COL12A1: variants seen among roughly 807,000 people sequenced by gnomAD.
The protein encoded by COL12A1 is collagen alpha-1(XII) chain.
A neutral mutation model predicts 349.7 loss-of-function variants in COL12A1; 114 were observed. The observed-to-expected ratio is 0.33, with a 90% CI of 0.28 to 0.38. The LOEUF is 0.38. Among genes scored for constraint, COL12A1 ranks in the 10% least tolerant of loss-of-function variants. COL12A1 has a pLI of 1.00. For synonymous variants in COL12A1, 1,369 were observed against 1,329.0 expected (o/e 1.03, Z -0.66); for missense variants, 3,284 against 3,756.9 (o/e 0.87, Z 3.29).
At chr6:75,117,613 A>T in intron 46 of COL12A1, 67 bp from the exon 47 acceptor site, 2 of 1,514,716 alleles carry the variant, frequency 1.3e-6, no homozygotes, top group Non-Finnish European at 1.8e-6. Flanking sequence ...AGAACAATGC[A>T]AAAAAATTCT....
At chr6:75,116,435 T>C (rs1227926827) in intron 47 of COL12A1, among the ~76,000 whole-genome samples, 1 of 152,118 alleles carries the variant, frequency 6.6e-6, no homozygotes, top group Non-Finnish European at 1.5e-5. Flanking sequence ...CCCTCTTCTC[T>C]GCCAAGTCTC....
At chr6:75,167,041 G>C (rs1465956421) in intron 13 of COL12A1, among the ~76,000 whole-genome samples, 3 of 152,012 alleles carry the variant, frequency 2.0e-5, no homozygotes, top group Non-Finnish European at 4.4e-5. Context: ...TATTTCACTG[G>C]AACAAAGAAT....
chr6:75,177,520 T>TAA, intron 12 of COL12A1, 143 bp downstream of exon 12: 1 of 940,178 alleles, frequency 1.1e-6, no homozygotes, highest in Middle Eastern at 2.3e-4. Flanking sequence ...AATTTTAACT[T>TAA]AAATCTAAAA....
intron 12 of COL12A1, among the ~76,000 whole-genome samples, chr6:75,177,168 G>A (rs1769002369): frequency 6.6e-6 from 1 of 152,156 alleles, no homozygotes; most frequent in Admixed American, 6.5e-5. Context: ...CGGGCGTGGT[G>A]GCTCACGTCT....
chr6:75,103,533 T>G (rs1298376595), intron 55 of COL12A1, among the ~76,000 whole-genome samples: 1 of 152,194 alleles, frequency 6.6e-6, no homozygotes, highest in Non-Finnish European at 1.5e-5. Context: ...AGCTTCCCCA[T>G]GTGTAATTGT....
rs774159573 is a variant in COL12A1, at chr6:75,130,923, A to C, written c.5996T>G (p.Leu1999Arg). The C allele has an allele frequency of 4.6e-5, 75 of 1,613,996 alleles. No homozygotes were observed. Among genetic ancestry groups the C allele is most frequent in the Non-Finnish European group, 5.1e-6 (6 of 1,180,008 alleles). ...VHLERLIPDT[L>R]YSVNLVALYS... ...CAGAGCCACAAGGTTCACGGAATAGAGTGTGTCCGGAATCAGCCGCTCCAG... is the reference window on the plus strand; with the variant it reads ...CAGAGCCACAAGGTTCACGGAATAGCGTGTGTCCGGAATCAGCCGCTCCAG... The change falls in exon 36 of 66, where the codon CTC becomes CGC. Residue 1999 changes from leucine (L) to arginine (R), a missense_variant. This residue lies in a region of COL12A1 where 2,601 missense variants were observed against 2,824.8 expected (regional missense o/e 0.92). Coordinates refer to ENST00000322507, the MANE Select transcript of COL12A1 (RefSeq NM_004370.6).
intron 21 of COL12A1, among the ~76,000 whole-genome samples, chr6:75,148,912 G>C (rs530927666): frequency 6.6e-6 from 1 of 152,240 alleles, no homozygotes; most frequent in Admixed American, 6.5e-5. Context: ...CATGGGGGTG[G>C]TTTCCCCCAT....
intron 13 of COL12A1, among the ~76,000 whole-genome samples, chr6:75,166,801 C>T (rs1165660169): frequency 6.6e-6 from 1 of 152,002 alleles, no homozygotes; most frequent in African/African-American, 2.4e-5. Flanking sequence ...TAAACGCAGT[C>T]ATAATTTAAC....
In COL12A1 at chr6:75,177,902, T is replaced by A. The variant is rs1769050654; in HGVS notation, c.2198A>T (p.Asp733Val). Reference sequence around the variant, plus strand: ...AATTTTGAAACTATCTGTAGTCTCATCTGTCACCTTTAGGTTTCGAGGTGC... The same window carrying A: ...AATTTTGAAACTATCTGTAGTCTCAACTGTCACCTTTAGGTTTCGAGGTGC... ...KGAPRNLKVT[D>V]ETTDSFKITW... The change falls in exon 12 of 66, where the codon GAT (aspartate) becomes GTT (valine). Residue 733 changes from aspartate (D) to valine (V), a missense_variant. Physicochemically the swap from Asp to Val is radical, Grantham distance 152 (BLOSUM62 -3). Around this residue, in one of 2 missense-constraint regions of COL12A1, gnomAD observed 2,601 missense variants for 2,824.8 expected, o/e 0.92. Coordinates refer to ENST00000322507, the MANE Select transcript of COL12A1 (RefSeq NM_004370.6). 6.2e-7 allele frequency: 1 copy of A among 1,612,200 alleles called. No homozygotes were observed. Among genetic ancestry groups the A allele is most frequent in the African/African-American group, 1.3e-5 (1 of 75,062 alleles).
rs774714142 is a variant in COL12A1, at chr6:75,113,183, CAAAT to C, written c.7950+17_7950+20del. 1.5e-6 allele frequency: 2 copies of C among 1,295,364 alleles called. No homozygotes were observed. The highest frequency in any genetic ancestry group is 1.5e-5 in the South Asian group (1 of 65,572). The allele number at this position is 1,295,364 out of a possible 1,614,324, so 80.2% of individuals were successfully genotyped here. On this transcript the variant is annotated intron_variant, in intron 51 of 65. Transcript: ENST00000322507. Reference sequence around the variant, plus strand: ...TATATTTTTTTCTAGAAATAAGACTCAAATAATCTTATGTTTTTACCTTGTGAAA... The same window carrying C: ...TATATTTTTTTCTAGAAATAAGACTCAATCTTATGTTTTTACCTTGTGAAA...
chr6:75,111,361 G>A (rs1343777742), intron 51 of COL12A1, among the ~76,000 whole-genome samples: 1 of 151,804 alleles, frequency 6.6e-6, no homozygotes, highest in Admixed American at 6.6e-5. Context: ...CCTTTCTGGG[G>A]AGGCAAATGG....
chr6:75,140,906 G>C lies in COL12A1; in HGVS notation c.4957+1126C>G, dbSNP rs546917505. Among the ~76,000 whole-genome samples the C allele has an allele frequency of 9.9e-5, 15 of 152,168 alleles. No individual in the cohort carries two copies. The East Asian group carries it at 2.9e-3, about 29-fold the overall frequency. ...CACTAGCCACATGTAGTTGGCTATT[G>C]AACACTTAAAATGTGGCTAGTCTGA... On this transcript the variant is annotated intron_variant, in intron 27 of 65. Coordinates refer to ENST00000322507, the MANE Select transcript of COL12A1 (RefSeq NM_004370.6).
At chr6:75,189,917 AT>A in intron 5 of COL12A1, 102 bp from the exon 6 acceptor site, 1 of 1,225,972 alleles carries the variant, frequency 8.2e-7, no homozygotes. Context: ...CATTCTGTTC[AT>A]TAGAACATAT....
intron 21 of COL12A1, among the ~76,000 whole-genome samples, chr6:75,150,450 T>C: frequency 6.6e-6 from 1 of 152,192 alleles, no homozygotes; most frequent in Non-Finnish European, 1.5e-5. Flanking sequence ...TCTCAGTTTC[T>C]TCACTGGTAA....
chr6:75,108,493 C>T (rs1046582924), intron 52 of COL12A1, among the ~76,000 whole-genome samples: 2 of 152,122 alleles, frequency 1.3e-5, no homozygotes, highest in Non-Finnish European at 2.9e-5. Flanking sequence ...ACGCTCCTGC[C>T]TCAAACCTGA....
At chr6:75,171,555 A>T (rs1433651136) in intron 13 of COL12A1, among the ~76,000 whole-genome samples, 4 of 152,250 alleles carry the variant, frequency 2.6e-5, no homozygotes, top group Non-Finnish European at 5.9e-5. Flanking sequence ...AAGATGTCCA[A>T]CCTACAGAAT....
In COL12A1 at chr6:75,086,365, T is replaced by C. The variant is rs1767487308; in HGVS notation, c.*182A>G. 2 of 356,352 alleles carry C rather than the reference T, an allele frequency of 5.6e-6. No homozygotes were observed. Among genetic ancestry groups the C allele is most frequent in the Non-Finnish European group, 5.4e-6 (1 of 183,836 alleles). 22.1% of individuals were successfully genotyped at this position (356,352 alleles called of 1,614,324 possible). ...ATAAACTGACACCACTGCTTTTGTC[T>C]CATTCAAGTTAGTAAAAAGAGTCTC... On this transcript the variant is annotated 3_prime_UTR_variant, in exon 66 of 66. Coordinates refer to ENST00000322507, the MANE Select transcript of COL12A1 (RefSeq NM_004370.6).
intron 58 of COL12A1, among the ~76,000 whole-genome samples, chr6:75,097,830 A>G (rs1768126693): frequency 6.6e-6 from 1 of 152,172 alleles, no homozygotes; most frequent in South Asian, 2.1e-4. Context: ...CAGCTTAGAA[A>G]TTCATTTTTC....
Position 75,138,584 on chromosome 6 carries a change from G to A in COL12A1, c.5098-4C>T. On this transcript the variant is annotated splice_region_variant and splice_polypyrimidine_tract_variant and intron_variant, in intron 28 of 65. Transcript: ENST00000322507. ...TTTCATCTCCATTTAAGATGGTCTT[G>A]GAGAAAGAGGACAAAAACATACCCA... The A allele has an allele frequency of 6.2e-7, 1 of 1,612,872 alleles. No homozygotes were observed. Among genetic ancestry groups the A allele is most frequent in the East Asian group, 2.2e-5 (1 of 44,832 alleles).
Sources: gnomAD v4.1 joint callset for allele counts (sites outside exome capture counted in the v4.1 genomes callset) on GRCh38, gnomAD v4.1.1 for gene constraint, gnomAD v4.1.1 regional missense constraint, MANE v1.5 for transcripts, NCBI Gene and HGNC (gene_info 2026-07-23, HGNC 2026-07-21) for gene names.